Variants in NR5A1 observed in about 807,000 individuals in gnomAD.
The protein encoded by NR5A1 is nuclear receptor subfamily 5 group A member 1.
A neutral mutation model predicts 42.7 loss-of-function variants in NR5A1; 6 were observed. That is an observed-to-expected ratio of 0.14 (90% CI 0.08 to 0.28). The LOEUF (loss-of-function observed/expected upper bound fraction) is 0.28. Among genes scored for constraint, NR5A1 ranks in the 10% least tolerant of loss-of-function variants. NR5A1 has a pLI of 1.00. For synonymous variants in NR5A1, 274 were observed against 277.5 expected (o/e 0.99, Z 0.12); for missense variants, 442 against 626.4 (o/e 0.71, Z 3.14).
At position 124,501,001 on chromosome 9, in the gene NR5A1, T is replaced by C. The variant is rs1564152978; in HGVS notation, c.245-286A>G. On this transcript the variant is annotated intron_variant, in intron 3 of 6. Coordinates refer to ENST00000373588, the MANE Select transcript of NR5A1 (RefSeq NM_004959.5). This position sits in a 1 kb window ranked among gnomAD's most constrained non-coding sequence, Gnocchi z 4.1. ...TCCTCCTCCACCCTGCCTTTCATTT[T>C]CCTTCTGACTCAAACTTTTTTTTTT... 3 of 701,690 alleles carry C rather than the reference T, an allele frequency of 4.3e-6. No homozygotes were observed. In the African/African-American group the frequency reaches 5.3e-5, roughly 12 times the overall value. 43.5% of individuals were successfully genotyped at this position (701,690 alleles called of 1,614,324 possible). A position where few individuals can be genotyped will look rare whatever the true frequency, so the allele number is the denominator to read the frequency against.
chr9:124,503,415 G>A lies in NR5A1; in HGVS notation c.-15-5C>T. On this transcript the variant is annotated splice_polypyrimidine_tract_variant and splice_region_variant and intron_variant, in intron 1 of 6. Transcript: ENST00000373588. The surrounding 1 kb of genome is among the most constrained non-coding windows in gnomAD (Gnocchi z 9.6). ...GTCCATGCCCGCGGCGTCCGCCTGC[G>A]GAGGGACAGCGGGTCAGGGAGGGCC... is the stretch of plus-strand genomic sequence containing the variant. The A allele has an allele frequency of 1.3e-6, 2 of 1,595,420 alleles. No homozygotes were observed. The highest frequency in any genetic ancestry group is 1.3e-5 in the African/African-American group (1 of 74,596).
rs767993408 is a variant in NR5A1 at position 124,493,157 on chromosome 9, G to T, written c.871-8C>A. ...CGTCATCTGGTCGGCCACCTGGAAG[G>T]AAGAGGCACGCGGGGGGCCGGGCTC... On this transcript the variant is annotated splice_region_variant and splice_polypyrimidine_tract_variant and intron_variant, in intron 4 of 6. Coordinates refer to ENST00000373588, the MANE Select transcript of NR5A1 (RefSeq NM_004959.5). The T allele has an allele frequency of 3.1e-6, 5 of 1,609,788 alleles. No homozygotes were observed. The highest frequency in any genetic ancestry group is 4.2e-6 in the Non-Finnish European group (5 of 1,178,008).
rs1306953099 is a variant in NR5A1 at position 124,500,496 on chromosome 9, C to T, written c.464G>A (p.Gly155Asp). The T allele has an allele frequency of 1.2e-6, 2 of 1,603,556 alleles. No homozygotes were observed. The highest frequency in any genetic ancestry group is 2.7e-5 in the African/African-American group (2 of 74,782). ...HGPEPKGLAAGPPAGPLGDFG... is the reference protein window; with the variant it reads ...HGPEPKGLAADPPAGPLGDFG... The stretch of plus-strand genomic sequence containing the variant: ...GTCGCCCAGTGGCCCAGCAGGTGGA[C>T]CGGCGGCCAGGCCCTTGGGCTCAGG... The change falls in exon 4 of 7, where the codon GGT becomes GAT. Residue 155 changes from glycine (G) to aspartate (D), a missense_variant. Coordinates refer to ENST00000373588, the MANE Select transcript of NR5A1 (RefSeq NM_004959.5). The surrounding 1 kb of genome is among the most constrained non-coding windows in gnomAD (Gnocchi z 6.9).
At chr9:124,491,036 C>CCCCCCCCTGGGGGG in intron 6 of NR5A1, 45 bp downstream of exon 6, 1 of 1,401,602 alleles carries the variant, frequency 7.1e-7, no homozygotes. Context: ...CCCACCCACC[C>CCCCCCCCTGGGGGG]GCCTCTGGCT....
At chr9:124,494,500 T>G (rs987775172) in intron 4 of NR5A1, among the ~76,000 whole-genome samples, 1 of 152,170 alleles carries the variant, frequency 6.6e-6, no homozygotes, top group Non-Finnish European at 1.5e-5. Context: ...ATCTGCAACA[T>G]CTCATGGCAT....
intron 6 of NR5A1, among the ~76,000 whole-genome samples, chr9:124,489,405 G>A (rs987241571): frequency 1.3e-5 from 2 of 152,122 alleles, no homozygotes; most frequent in Admixed American, 6.5e-5. Context: ...CAGATCTCCC[G>A]GTCCATCCCC....
chr9:124,489,767 T>C (rs1012141400), intron 6 of NR5A1, among the ~76,000 whole-genome samples: 53 of 119,866 alleles, frequency 4.4e-4, no homozygotes, highest in African/African-American at 1.7e-3. Flanking sequence ...CCCCAATGGC[T>C]GTCCCCTGCT....
chr9:124,503,449 C>T lies in NR5A1; in HGVS notation c.-15-39G>A. On this transcript the variant is annotated intron_variant, in intron 1 of 6. Coordinates refer to ENST00000373588, the MANE Select transcript of NR5A1 (RefSeq NM_004959.5). The surrounding 1 kb of genome is among the most constrained non-coding windows in gnomAD (Gnocchi z 9.6). ...GCGGGTCAGGGAGGGCCGGCGGAGA[C>T]CGGCAGCCTGGGGTCCCCGCGGCCG... 6.5e-7 allele frequency: 1 copy of T among 1,535,422 alleles called. No individual in the cohort carries two copies. Among genetic ancestry groups the T allele is most frequent in the Non-Finnish European group, 8.8e-7 (1 of 1,135,020 alleles).
At chr9:124,483,076 C>T (rs746506088) in intron 6 of NR5A1, 71 bp from the exon 7 acceptor site, 997 of 1,605,928 alleles carry the variant, frequency 6.2e-4, no homozygotes, top group Non-Finnish European at 7.8e-4. Flanking sequence ...AACACCGTCA[C>T]CAGCATCACC....
Position 124,500,727 on chromosome 9 carries a change from G to C in NR5A1, c.245-12C>G. ...GTCAGCGCGCACGGCTGTGGGCAGG[G>C]GCAGAGGGTCAGACTCACCCTCTCT... On this transcript the variant is annotated splice_polypyrimidine_tract_variant and intron_variant, in intron 3 of 6. Transcript: ENST00000373588. This position sits in a 1 kb window ranked among gnomAD's most constrained non-coding sequence, Gnocchi z 6.9. The C allele has an allele frequency of 6.2e-7, 1 of 1,612,496 alleles. No individual in the cohort carries two copies. The highest frequency in any genetic ancestry group is 8.5e-7 in the Non-Finnish European group (1 of 1,180,016).
chr9:124,504,777 C>T (rs1292375704), intron 1 of NR5A1, among the ~76,000 whole-genome samples: 1 of 146,320 alleles, frequency 6.8e-6, no homozygotes, highest in Non-Finnish European at 1.5e-5. Flanking sequence ...CGCACCCGGG[C>T]GCAGCGCCGC....
intron 6 of NR5A1, 45 bp downstream of exon 6, chr9:124,491,036 C>CCCCCCCCGGGG: frequency 6.9e-5 from 96 of 1,401,444 alleles, no homozygotes; most frequent in Non-Finnish European, 8.4e-5. Context: ...CCCACCCACC[C>CCCCCCCCGGGG]GCCTCTGGCT....
rs1832391738 is a variant in NR5A1, at chr9:124,496,424, G to A, written c.871-3275C>T. ...CAGCCCTTGGGTCTCCCACCAGCCT[G>A]GCCTGTCTGCTGGGCACATCAGCCA... On this transcript the variant is annotated intron_variant, in intron 4 of 6. Transcript: ENST00000373588. This position sits in a 1 kb window ranked among gnomAD's most constrained non-coding sequence, Gnocchi z 5.0. Among the ~76,000 whole-genome samples, 1 of 152,100 alleles carries A rather than the reference G, an allele frequency of 6.6e-6. No individual in the cohort carries two copies.
intron 3 of NR5A1, among the ~76,000 whole-genome samples, chr9:124,502,165 G>T (rs1246057714): frequency 6.6e-6 from 1 of 152,146 alleles, no homozygotes; most frequent in Non-Finnish European, 1.5e-5. Flanking sequence ...GATCCTAATG[G>T]AAAGCGTGAT....
At position 124,503,463 on chromosome 9, in the gene NR5A1, T is replaced by C. The variant is rs1832499513; in HGVS notation, c.-15-53A>G. ...GCCGGCGGAGACCGGCAGCCTGGGGTCCCCGCGGCCGCCGCCCCAGCCGCT... is the reference window on the plus strand; with the variant it reads ...GCCGGCGGAGACCGGCAGCCTGGGGCCCCCGCGGCCGCCGCCCCAGCCGCT... On this transcript the variant is annotated intron_variant, in intron 1 of 6. Coordinates refer to ENST00000373588, the MANE Select transcript of NR5A1 (RefSeq NM_004959.5). This position sits in a 1 kb window ranked among gnomAD's most constrained non-coding sequence, Gnocchi z 9.6. The C allele has an allele frequency of 1.4e-6, 2 of 1,465,550 alleles. No individual in the cohort carries two copies. The highest frequency in any genetic ancestry group is 5.1e-5 in the East Asian group (2 of 39,256). 90.8% of individuals were successfully genotyped at this position (1,465,550 alleles called of 1,614,324 possible). A position where few individuals can be genotyped will look rare whatever the true frequency, so the allele number is the denominator to read the frequency against.
rs1260917889 is a variant in NR5A1 at position 124,493,552 on chromosome 9, G to A, written c.871-403C>T. ...AAGGACTCCTACAAATGCCTGGCAA[G>A]GTTATTATTAATTTTAACCTTGTCC... is the stretch of plus-strand genomic sequence containing the variant. On this transcript the variant is annotated intron_variant, in intron 4 of 6. Coordinates refer to ENST00000373588, the MANE Select transcript of NR5A1 (RefSeq NM_004959.5). 3.3e-5 allele frequency among the ~76,000 whole-genome samples: 5 copies of A among 152,234 alleles called. No homozygotes were observed. In the East Asian group the frequency reaches 7.7e-4, roughly 23 times the overall value.
At chr9:124,491,036 C>CCCCCCCCAG in intron 6 of NR5A1, 45 bp downstream of exon 6, 13 of 1,401,582 alleles carry the variant, frequency 9.3e-6, no homozygotes, top group East Asian at 3.0e-5. Flanking sequence ...CCCACCCACC[C>CCCCCCCCAG]GCCTCTGGCT....
rs1257024724 is a variant in NR5A1, at chr9:124,500,337, C to T, written c.623G>A (p.Gly208Glu). 1.9e-6 allele frequency: 3 copies of T among 1,557,244 alleles called. No individual in the cohort carries two copies. Among genetic ancestry groups the T allele is most frequent in the Non-Finnish European group, 2.6e-6 (3 of 1,150,898 alleles). ...GGGCTCTGGGTAGCCGTACGGCAGC[C>T]CAGGCTGTGGGGGGCTGGCATAAGG... ...PEPYASPPQPGLPYGYPEPFS... is the reference protein window; with the variant it reads ...PEPYASPPQPELPYGYPEPFS... Residue 208 changes from glycine (G) to glutamate (E), a missense_variant, in exon 4 of 7, where the codon GGG becomes GAG. Gly to Glu is a moderately conservative substitution (Grantham distance 98). Coordinates refer to ENST00000373588, the MANE Select transcript of NR5A1 (RefSeq NM_004959.5). This position sits in a 1 kb window ranked among gnomAD's most constrained non-coding sequence, Gnocchi z 6.9.
In NR5A1 at chr9:124,500,592, C is replaced by T. The variant is rs200163795; in HGVS notation, c.368G>A (p.Gly123Glu). Residue 123 changes from glycine to glutamate, a missense_variant, in exon 4 of 7, where the codon GGG (glycine) becomes GAG (glutamate). Gly to Glu is a moderately conservative substitution (Grantham distance 98). Transcript: ENST00000373588. The surrounding 1 kb of genome is among the most constrained non-coding windows in gnomAD (Gnocchi z 6.9). ...IRANGFKLETGPPMGVPPPPP... is the reference protein window; with the variant it reads ...IRANGFKLETEPPMGVPPPPP... The stretch of plus-strand genomic sequence containing the variant: ...CGGCGGGGGCACCCCCATCGGGGGC[C>T]CTGTCTCCAGCTTGAAGCCATTGGC... The T allele has an allele frequency of 3.1e-6, 5 of 1,612,350 alleles. No homozygotes were observed. Among genetic ancestry groups the T allele is most frequent in the Non-Finnish European group, 4.2e-6 (5 of 1,179,968 alleles).
Sources: allele counts gnomAD v4.1 joint callset (sites outside exome capture counted in the v4.1 genomes callset), GRCh38; gene constraint gnomAD v4.1.1; non-coding constraint Gnocchi (gnomAD v3.1); transcripts MANE v1.5; gene names NCBI Gene and HGNC (gene_info 2026-07-23, HGNC 2026-07-21).